The following GABPB1 variants were observed in gnomAD, a reference collection of about 807,000 sequenced individuals.
GABPB1 encodes the protein GA-binding protein subunit beta-1.
A neutral mutation model predicts 45.9 loss-of-function variants in GABPB1; 15 were observed. The observed-to-expected ratio is 0.33, with a 90% CI of 0.22 to 0.50. The LOEUF (loss-of-function observed/expected upper bound fraction) is 0.50. GABPB1 is among the 20% of genes least tolerant of loss of function. The pLI is 0.98. For missense variants in GABPB1, 252 were observed against 457.5 expected (o/e 0.55, Z 4.10); for synonymous variants, 143 against 154.4 (o/e 0.93, Z 0.55).
intron 1 of GABPB1, among the ~76,000 whole-genome samples, chr15:50,342,218 G>A (rs1278770226): frequency 6.6e-6 from 1 of 152,002 alleles, no homozygotes. Context: ...TCTCATTGTG[G>A]CCTTAACACA....
chr15:50,277,872 T>C lies in GABPB1; in HGVS notation c.*760A>G, dbSNP rs2045867787. The C allele has an allele frequency of 1.3e-5, 2 of 152,682 alleles. No homozygotes were observed. Among genetic ancestry groups the C allele is most frequent in the South Asian group, 4.1e-4 (2 of 4,820 alleles). 9.5% of individuals were successfully genotyped at this position (152,682 alleles called of 1,614,324 possible). On this transcript the variant is annotated 3_prime_UTR_variant, in exon 9 of 9. Transcript: ENST00000380877. ...TGTAGGCTGCTCCTTCCGAGAACAC[T>C]GTCATTCCAATAAAACCAGCTGCCA...
intron 6 of GABPB1, 66 bp downstream of exon 6, chr15:50,300,723 G>C: frequency 1.0e-6 from 1 of 974,286 alleles, no homozygotes; most frequent in Non-Finnish European, 1.7e-6. Context: ...AGGATTACAG[G>C]TGTGAGCCAC....
intron 1 of GABPB1, among the ~76,000 whole-genome samples, chr15:50,340,980 CCATATGTAATATTACATATTACATATGGT>C (rs2048353581): frequency 7.4e-6 from 1 of 134,330 alleles, no homozygotes; most frequent in Non-Finnish European, 1.6e-5. Flanking sequence ...TGGTTTATTA[CCATATGTAATATTACATATTACATATGGT>C]TTATTACATA....
chr15:50,277,734 A>G lies in GABPB1; in HGVS notation c.*898T>C, dbSNP rs1392645084. ...ACATTATCTTAAAATCAGTGCCTTA[A>G]AGTGCTTTCATGTGGAAATCATGAT... On this transcript the variant is annotated 3_prime_UTR_variant, in exon 9 of 9. Transcript: ENST00000380877. The G allele has an allele frequency of 2.0e-5, 3 of 152,630 alleles. No homozygotes were observed. Among genetic ancestry groups the G allele is most frequent in the African/African-American group, 7.2e-5 (3 of 41,446 alleles). The allele number at this position is 152,630 out of a possible 1,614,324, so 9.5% of individuals were successfully genotyped here. A position where few individuals can be genotyped will look rare whatever the true frequency, so the allele number is the denominator to read the frequency against.
intron 1 of GABPB1, among the ~76,000 whole-genome samples, chr15:50,310,582 C>T (rs1364202331): frequency 6.6e-6 from 1 of 152,162 alleles, no homozygotes; most frequent in Non-Finnish European, 1.5e-5. Context: ...AAATTTTCTG[C>T]CCTCCTACAT....
chr15:50,303,552 G>C (rs1051873615), intron 3 of GABPB1, among the ~76,000 whole-genome samples: 1 of 151,914 alleles, frequency 6.6e-6, no homozygotes, highest in African/African-American at 2.4e-5. Context: ...CATGGTGGTG[G>C]GCGCCTGTAG....
chr15:50,280,413 A>G (rs1305161172), intron 8 of GABPB1, among the ~76,000 whole-genome samples: 2 of 152,142 alleles, frequency 1.3e-5, no homozygotes, highest in Non-Finnish European at 2.9e-5. Context: ...CAGGAGCTAG[A>G]CCACAGCTCT....
intron 8 of GABPB1, chr15:50,285,792 A>G (rs755768735): frequency 1.1e-5 from 13 of 1,231,314 alleles, no homozygotes; most frequent in Non-Finnish European, 1.3e-5. Context: ...GTGTAAGTTT[A>G]AAACATAAAG....
chr15:50,346,844 G>C (rs937926525), intron 1 of GABPB1, among the ~76,000 whole-genome samples: 7 of 147,462 alleles, frequency 4.7e-5, no homozygotes, highest in Non-Finnish European at 4.5e-5. Context: ...CTGGAGTGCA[G>C]TGGCGCCATC....
At chr15:50,350,942 TC>T (rs1283410503) in intron 1 of GABPB1, 3 of 152,186 alleles carry the variant, frequency 2.0e-5, no homozygotes, top group Non-Finnish European at 2.9e-5. Context: ...CTTCTTTAGG[TC>T]AAACATCCCA....
intron 4 of GABPB1, among the ~76,000 whole-genome samples, chr15:50,302,059 T>G (rs747944072): frequency 1.1e-4 from 16 of 152,162 alleles, no homozygotes; most frequent in Non-Finnish European, 2.1e-4. Flanking sequence ...CTGCTGGGAT[T>G]GGGAACAAAC....
At position 50,325,463 on chromosome 15, in the gene GABPB1, C is replaced by G. The variant is rs376974742; in HGVS notation, c.1-15665G>C. ...GCAATCAATGACAAAAAAAAAAAAT[C>G]ATCATCATCTGTGGTTCACTATATT... On this transcript the variant is annotated intron_variant, in intron 1 of 8. Coordinates refer to ENST00000380877, the MANE Select transcript of GABPB1 (RefSeq NM_016654.5). Among the ~76,000 whole-genome samples, 8 of 151,650 alleles carry G rather than the reference C, an allele frequency of 5.3e-5. No individual in the cohort carries two copies. In the East Asian group the frequency reaches 1.2e-3, roughly 22 times the overall value.
chr15:50,287,406 A>G (rs1282818407), intron 7 of GABPB1, among the ~76,000 whole-genome samples: 1 of 152,218 alleles, frequency 6.6e-6, no homozygotes, highest in Non-Finnish European at 1.5e-5. Flanking sequence ...CCTAACCCCC[A>G]GTACCTCAAA....
chr15:50,278,837 A>G, intron 8 of GABPB1, 53 bp from the exon 9 acceptor site: 1 of 1,433,630 alleles, frequency 7.0e-7, no homozygotes, highest in South Asian at 1.3e-5. Flanking sequence ...TACATTATTA[A>G]TACATATAAG....
chr15:50,341,711 A>G (rs1233347201), intron 1 of GABPB1, among the ~76,000 whole-genome samples: 4 of 152,120 alleles, frequency 2.6e-5, no homozygotes, highest in African/African-American at 9.7e-5. Flanking sequence ...ATAAGATTTT[A>G]TTTTGTACAA....
chr15:50,277,058 T>C lies in GABPB1; in HGVS notation c.*1574A>G, dbSNP rs775128627. ...TAGTAACCATCAGGCTGACAGACCATAGACCCCTTTATTACATTAACAAAT... is the reference window on the plus strand; with the variant it reads ...TAGTAACCATCAGGCTGACAGACCACAGACCCCTTTATTACATTAACAAAT... On this transcript the variant is annotated 3_prime_UTR_variant, in exon 9 of 9. Coordinates refer to ENST00000380877, the MANE Select transcript of GABPB1 (RefSeq NM_016654.5). 3 of 152,214 alleles carry C rather than the reference T, an allele frequency of 2.0e-5. No homozygotes were observed. Among genetic ancestry groups the C allele is most frequent in the Non-Finnish European group, 4.4e-5 (3 of 68,030 alleles). 9.4% of individuals were successfully genotyped at this position (152,214 alleles called of 1,614,324 possible).
intron 1 of GABPB1, among the ~76,000 whole-genome samples, chr15:50,341,153 A>G (rs1567546359): frequency 6.6e-6 from 1 of 152,070 alleles, no homozygotes; most frequent in African/African-American, 2.4e-5. Context: ...ATTTATCAAA[A>G]TATCTTTCCA....
intron 1 of GABPB1, 129 bp downstream of exon 1, chr15:50,354,856 C>T (rs1024509857): frequency 1.3e-5 from 3 of 228,522 alleles, no homozygotes; most frequent in Non-Finnish European, 2.6e-5. Context: ...AAACCCGGCG[C>T]CTTAATGCAA....
At chr15:50,280,807 C>A (rs1036745699) in intron 8 of GABPB1, among the ~76,000 whole-genome samples, 3 of 151,882 alleles carry the variant, frequency 2.0e-5, no homozygotes, top group African/African-American at 7.3e-5. Context: ...TAAGAGCAAT[C>A]CTTTGGTAGC....
Sources: gnomAD v4.1 joint callset for allele counts (sites outside exome capture counted in the v4.1 genomes callset) on GRCh38, gnomAD v4.1.1 for gene constraint, MANE v1.5 for transcripts, NCBI Gene and HGNC (gene_info 2026-07-23, HGNC 2026-07-21) for gene names.